The following ANKS1B variants were observed in gnomAD, a reference collection of about 807,000 sequenced individuals.
ANKS1B encodes the protein ankyrin repeat and sterile alpha motif domain containing 1B, also known as ankyrin repeat and sterile alpha motif domain-containing protein 1B.
A neutral mutation model predicts 148.3 loss-of-function variants in ANKS1B; 36 were observed. The ratio of observed to expected loss-of-function variants is 0.24; its 90% confidence interval spans 0.19 to 0.32. The LOEUF is 0.32. Ranked by LOEUF, ANKS1B falls within the 10% of genes least tolerant of loss-of-function variation. The probability of loss-of-function intolerance (pLI) is 1.00; values close to 1 mark genes in which losing one functional copy is unlikely to be tolerated. For synonymous variants in ANKS1B, 542 were observed against 560.8 expected (o/e 0.97, Z 0.47); for missense variants, 1,157 against 1,542.6 (o/e 0.75, Z 4.19).
intron 23 of ANKS1B, among the ~76,000 whole-genome samples, chr12:98,781,798 T>C (rs1279762480): frequency 6.6e-6 from 1 of 152,226 alleles, no homozygotes; most frequent in Non-Finnish European, 1.5e-5. Context: ...AGGGATGTAA[T>C]GATGCTCTAG....
At chr12:99,544,919 C>A (rs2097159069) in intron 9 of ANKS1B, among the ~76,000 whole-genome samples, 2 of 152,136 alleles carry the variant, frequency 1.3e-5, no homozygotes, top group African/African-American at 4.8e-5. Context: ...TCTTCCACTG[C>A]AAAACACTGT....
chr12:98,813,540 T>C (rs2099115163), intron 19 of ANKS1B, among the ~76,000 whole-genome samples: 1 of 151,666 alleles, frequency 6.6e-6, no homozygotes, highest in African/African-American at 2.4e-5. Context: ...TTGTTTTTTT[T>C]TTTCTTTTTT....
At chr12:99,299,777 T>A (rs536252592) in intron 12 of ANKS1B, among the ~76,000 whole-genome samples, 23 of 152,354 alleles carry the variant, frequency 1.5e-4, no homozygotes, top group Non-Finnish European at 2.5e-4. Flanking sequence ...AGTAATTTTT[T>A]AAAAATCCCT....
chr12:99,846,249 T>C (rs373573873), intron 1 of ANKS1B, among the ~76,000 whole-genome samples: 251 of 152,238 alleles, frequency 1.6e-3, no homozygotes, highest in African/African-American at 5.6e-3. Flanking sequence ...TATGTAATGT[T>C]TTTATTCTCC....
rs76714129 is a variant in ANKS1B, at chr12:98,943,547, C to G, written c.2778+109610G>C. ...TGTTTCATCTGTAGAAGGGGGGCTG[C>G]TTTCATTGTCTTGTGCCCACCTTCC... On this transcript the variant is annotated intron_variant, in intron 17 of 26. Transcript: ENST00000683438. Among the ~76,000 whole-genome samples the G allele has an allele frequency of 5.2e-3, 790 of 152,254 alleles. 1 individual carries two copies. Among genetic ancestry groups the G allele is most frequent in the Middle Eastern group, 0.01 (3 of 292 alleles).
At chr12:99,305,230 C>A (rs981833726) in intron 12 of ANKS1B, among the ~76,000 whole-genome samples, 6 of 152,046 alleles carry the variant, frequency 3.9e-5, no homozygotes, top group African/African-American at 1.4e-4. Context: ...ACACCTCCCA[C>A]CAGGCCCCAT....
intron 8 of ANKS1B, among the ~76,000 whole-genome samples, chr12:99,757,440 G>A (rs1042183964): frequency 3.3e-5 from 5 of 151,860 alleles, no homozygotes; most frequent in African/African-American, 1.2e-4. Flanking sequence ...AAACATAACA[G>A]ACGCTGGCAA....
At chr12:99,647,940 T>A (rs2098387547) in intron 9 of ANKS1B, 1 of 560,244 alleles carries the variant, frequency 1.8e-6, no homozygotes, top group South Asian at 2.6e-5. Flanking sequence ...GACAGCTCCA[T>A]GCACTAAGCA....
At chr12:99,270,939 T>C (rs1394273913) in intron 12 of ANKS1B, among the ~76,000 whole-genome samples, 1 of 152,148 alleles carries the variant, frequency 6.6e-6, no homozygotes, top group Non-Finnish European at 1.5e-5. Flanking sequence ...TTACTGAAGA[T>C]GAGAAAAAAT....
chr12:99,572,105 G>T (rs766769135), intron 9 of ANKS1B, among the ~76,000 whole-genome samples: 4 of 152,006 alleles, frequency 2.6e-5, no homozygotes, highest in Non-Finnish European at 4.4e-5. Context: ...TAAGCTCTAT[G>T]ACCCTGGGCA....
chr12:99,830,745 A>C (rs2083861245), intron 1 of ANKS1B, among the ~76,000 whole-genome samples: 1 of 152,034 alleles, frequency 6.6e-6, no homozygotes, highest in Non-Finnish European at 1.5e-5. Context: ...CATACCATTT[A>C]GCAAAATTTA....
chr12:99,894,329 G>GAGGGAGGAAAAGA (rs1196013915), intron 1 of ANKS1B, among the ~76,000 whole-genome samples: 1 of 78,078 alleles, frequency 1.3e-5, no homozygotes, highest in Non-Finnish European at 2.7e-5. Context: ...GGGAGGGAGG[G>GAGGGAGGAAAAGA]AAAGAAAAGA....
intron 15 of ANKS1B, among the ~76,000 whole-genome samples, chr12:99,097,947 T>C (rs529585630): frequency 2.6e-5 from 4 of 152,200 alleles, no homozygotes; most frequent in African/African-American, 9.7e-5. Context: ...CAGATAAGTG[T>C]TCAGTATTGA....
chr12:99,361,710 T>G (rs1217125610), intron 12 of ANKS1B, among the ~76,000 whole-genome samples: 1 of 152,098 alleles, frequency 6.6e-6, no homozygotes, highest in East Asian at 1.9e-4. Flanking sequence ...TATGGCATTT[T>G]CAAATTGATT....
chr12:98,926,206 A>G (rs1295808466), intron 17 of ANKS1B, among the ~76,000 whole-genome samples: 1 of 152,186 alleles, frequency 6.6e-6, no homozygotes, highest in Non-Finnish European at 1.5e-5. Flanking sequence ...ATACACACAC[A>G]TAGTCCTTTG....
intron 9 of ANKS1B, among the ~76,000 whole-genome samples, chr12:99,560,796 G>T (rs2097325742): frequency 1.3e-5 from 2 of 150,182 alleles, no homozygotes; most frequent in Admixed American, 6.6e-5. Flanking sequence ...TCTGGGTGGT[G>T]GTTGCTGAAG....
At position 99,279,030 on chromosome 12, in the gene ANKS1B, T is replaced by G. The variant is rs138505883; in HGVS notation, c.1757-32166A>C. Among the ~76,000 whole-genome samples, 340 of 152,226 alleles carry G rather than the reference T, an allele frequency of 2.2e-3. 1 individual carries two copies. Among genetic ancestry groups the G allele is most frequent in the African/African-American group, 7.4e-3 (306 of 41,538 alleles). ...CAAAGACTGTGGTTTTCTTTGTGTT[T>G]CCATTTTCAGGTCCCAGAATGGTGC... On this transcript the variant is annotated intron_variant, in intron 12 of 26. Coordinates refer to ENST00000683438, the MANE Select transcript of ANKS1B (RefSeq NM_001352186.2).
intron 1 of ANKS1B, among the ~76,000 whole-genome samples, chr12:99,940,563 C>T (rs1425297342): frequency 6.6e-6 from 1 of 152,084 alleles, no homozygotes. Flanking sequence ...GATGAACATA[C>T]AGCCAATCAA....
intron 14 of ANKS1B, among the ~76,000 whole-genome samples, chr12:99,206,395 C>A (rs576812036): frequency 6.6e-6 from 1 of 152,208 alleles, no homozygotes; most frequent in Non-Finnish European, 1.5e-5. Flanking sequence ...ATGAACAACA[C>A]TGCATTTAAG....
Sources: allele counts gnomAD v4.1 joint callset (sites outside exome capture counted in the v4.1 genomes callset), GRCh38; gene constraint gnomAD v4.1.1; transcripts MANE v1.5; gene names NCBI Gene and HGNC (gene_info 2026-07-23, HGNC 2026-07-21).